Variants in SYNJ1 observed in about 807,000 individuals in gnomAD.
The protein encoded by SYNJ1 is synaptojanin 1, also known as polyphosphatidylinositol phosphatase SYNJ1.
Under a neutral mutation model 168.2 loss-of-function variants are expected in SYNJ1, and 78 were observed. The ratio of observed to expected loss-of-function variants is 0.46; its 90% CI spans 0.39 to 0.56. SYNJ1 has a LOEUF of 0.56. SYNJ1 is among the 20% of genes least tolerant of loss of function. The pLI is 0.00. For missense variants in SYNJ1, 1,303 were observed against 1,597.6 expected (o/e 0.82, Z 3.14); for synonymous variants, 539 against 548.6 (o/e 0.98, Z 0.24).
At chr21:32,654,447 G>A (rs1287331720) in intron 21 of SYNJ1, among the ~76,000 whole-genome samples, 1 of 152,098 alleles carries the variant, frequency 6.6e-6, no homozygotes, top group Non-Finnish European at 1.5e-5. Flanking sequence ...CTAACTACAC[G>A]AAGGTATCTT....
Position 32,629,315 on chromosome 21 carries a change from C to T in SYNJ1, c.*2490G>A, listed in dbSNP as rs533273538. ...TTTGAAGCAACTGCTTATAGTAATA[C>T]TGCTGTTTAAGACGCTACTGCTGAA... is the stretch of plus-strand genomic sequence containing the variant. On this transcript the variant is annotated 3_prime_UTR_variant, in exon 33 of 33. Coordinates refer to ENST00000674351, the MANE Select transcript of SYNJ1 (RefSeq NM_203446.3). 9.8e-5 allele frequency: 15 copies of T among 152,728 alleles called. No individual in the cohort carries two copies. Among genetic ancestry groups the T allele is most frequent in the African/African-American group, 3.6e-4 (15 of 41,554 alleles). 9.5% of individuals were successfully genotyped at this position (152,728 alleles called of 1,614,324 possible). A position where few individuals can be genotyped will look rare whatever the true frequency, so the allele number is the denominator to read the frequency against.
intron 29 of SYNJ1, among the ~76,000 whole-genome samples, chr21:32,641,604 G>C (rs895348086): frequency 6.6e-6 from 1 of 151,986 alleles, no homozygotes; most frequent in Non-Finnish European, 1.5e-5. Context: ...ATGATAAAAA[G>C]CTGCCCAAAT....
intron 2 of SYNJ1, among the ~76,000 whole-genome samples, chr21:32,707,589 C>T (rs550423993): frequency 6.3e-4 from 96 of 152,198 alleles, no homozygotes; most frequent in African/African-American, 2.3e-3. Flanking sequence ...CTGCCTTGGC[C>T]TCGCAAAGTA....
At chr21:32,715,134 C>T (rs2042975159) in intron 2 of SYNJ1, among the ~76,000 whole-genome samples, 2 of 152,100 alleles carry the variant, frequency 1.3e-5, no homozygotes, top group African/African-American at 4.8e-5. Flanking sequence ...AAGGTACAAC[C>T]AGCTAGAAAT....
intron 31 of SYNJ1, among the ~76,000 whole-genome samples, chr21:32,635,491 C>A (rs972590477): frequency 2.6e-5 from 4 of 152,114 alleles, no homozygotes; most frequent in Admixed American, 1.3e-4. Flanking sequence ...CATGCTGGCA[C>A]CCTGATCTCA....
intron 2 of SYNJ1, among the ~76,000 whole-genome samples, chr21:32,720,579 G>A (rs2043185351): frequency 6.6e-6 from 1 of 152,130 alleles, no homozygotes; most frequent in Non-Finnish European, 1.5e-5. Flanking sequence ...CAGTGATATG[G>A]CCTTGCTATT....
At chr21:32,681,347 T>C (rs2041614677) in intron 11 of SYNJ1, 149 bp downstream of exon 11, 6 of 861,796 alleles carry the variant, frequency 7.0e-6, no homozygotes, top group Admixed American at 6.1e-5. Flanking sequence ...AAAGGAAGTA[T>C]CAAAGAAGGC....
At chr21:32,681,405 C>T in intron 11 of SYNJ1, 91 bp downstream of exon 11, 2 of 1,386,496 alleles carry the variant, frequency 1.4e-6, no homozygotes, top group South Asian at 3.2e-5. Flanking sequence ...TTAATTTAAA[C>T]CATCTATTAA....
intron 9 of SYNJ1, among the ~76,000 whole-genome samples, chr21:32,684,830 A>G (rs1175031121): frequency 2.0e-5 from 3 of 152,216 alleles, no homozygotes; most frequent in Non-Finnish European, 4.4e-5. Flanking sequence ...CTTGCAGCAG[A>G]TGGAAATGGG....
chr21:32,676,872 G>A lies in SYNJ1; in HGVS notation c.1511-517C>T, dbSNP rs895040518. On this transcript the variant is annotated intron_variant, in intron 12 of 32. Transcript: ENST00000674351. Reference sequence around the variant, plus strand: ...AAATTCCCACAGCCACAGGGCTTATGGGAAAAATGGGGTTGGGGTACCACG... The same window carrying A: ...AAATTCCCACAGCCACAGGGCTTATAGGAAAAATGGGGTTGGGGTACCACG... Among the ~76,000 whole-genome samples, 3 of 152,198 alleles carry A rather than the reference G, an allele frequency of 2.0e-5. No homozygotes were observed. The East Asian group carries it at 5.8e-4, about 29-fold the overall frequency.
At chr21:32,713,254 A>AACATGGATGATTTCCCATATG (rs2042895610) in intron 2 of SYNJ1, among the ~76,000 whole-genome samples, 1 of 133,976 alleles carries the variant, frequency 7.5e-6, no homozygotes, top group Admixed American at 7.3e-5. Flanking sequence ...TTTCCCATAT[A>AACATGGATGATTTCCCATATG]TCAACATGGA....
At position 32,665,012 on chromosome 21, in the gene SYNJ1, G is replaced by A. The variant is rs149236383; in HGVS notation, c.2205C>T (p.Ile735=). ...VFWCGDFNYR[I]DLPNEEVKEL... is the part of the protein sequence containing the mutation. ...CTTTAACTTCTTCGTTAGGGAGATC[G>A]ATTCGATAGTTGAAATCACCACACC... The change falls in exon 18 of 33, where the codon ATC becomes ATT. Residue 735 remains isoleucine (I), a synonymous_variant. Coordinates refer to ENST00000674351, the MANE Select transcript of SYNJ1 (RefSeq NM_203446.3). The A allele has an allele frequency of 5.0e-5, 80 of 1,613,348 alleles. No individual in the cohort carries two copies. The highest frequency in any genetic ancestry group is 2.4e-4 in the African/African-American group (18 of 75,038).
chr21:32,693,037 A>T (rs929221085), intron 6 of SYNJ1, among the ~76,000 whole-genome samples: 15 of 151,850 alleles, frequency 9.9e-5, no homozygotes, highest in Admixed American at 9.2e-4. Context: ...TCTCAAATAA[A>T]TAAATATATA....
At chr21:32,660,283 C>T (rs562870630) in intron 18 of SYNJ1, among the ~76,000 whole-genome samples, 6 of 152,324 alleles carry the variant, frequency 3.9e-5, no homozygotes, top group Admixed American at 3.9e-4. Flanking sequence ...TGGGCAAAAC[C>T]TGAATATAAA....
chr21:32,639,689 T>A lies in SYNJ1; in HGVS notation c.3679A>T (p.Thr1227Ser), dbSNP rs1437274850. Residue 1227 changes from threonine to serine, a missense_variant, in exon 30 of 33, where the codon ACA (threonine) becomes TCA (serine). Transcript: ENST00000674351. ...GACCTACCTTTCGACGTTTCTGATG[T>A]TTTGCTTTGGCTTTCAGGAGTCAGT... The part of the protein sequence containing the change: ...GRLTPESQSK[T>S]SETSKGSTFL... 1 of 1,613,996 alleles carries A rather than the reference T, an allele frequency of 6.2e-7. No individual in the cohort carries two copies. Among genetic ancestry groups the A allele is most frequent in the African/African-American group, 1.3e-5 (1 of 74,914 alleles).
At chr21:32,709,642 C>T (rs1050957570) in intron 2 of SYNJ1, among the ~76,000 whole-genome samples, 3 of 151,156 alleles carry the variant, frequency 2.0e-5, no homozygotes, top group African/African-American at 4.9e-5. Context: ...CTCAGCCTCT[C>T]GAGTAGCTGG....
chr21:32,678,897 G>A, intron 11 of SYNJ1, 96 bp from the exon 12 acceptor site: 1 of 1,501,242 alleles, frequency 6.7e-7, no homozygotes, highest in Non-Finnish European at 8.9e-7. Context: ...AGTTTTATAT[G>A]ATTTTAGTAT....
chr21:32,657,684 G>C, intron 19 of SYNJ1, 32 bp downstream of exon 19: 1 of 1,561,022 alleles, frequency 6.4e-7, no homozygotes, highest in Non-Finnish European at 8.6e-7. Flanking sequence ...GTTTACATTA[G>C]TTCATTTAAA....
chr21:32,646,256 C>G, intron 24 of SYNJ1, 137 bp downstream of exon 24: 1 of 826,744 alleles, frequency 1.2e-6, no homozygotes, highest in Non-Finnish European at 2.0e-6. Flanking sequence ...AGCTTATCAT[C>G]TACAAGTTTT....
Sources: allele counts gnomAD v4.1 joint callset (sites outside exome capture counted in the v4.1 genomes callset), GRCh38; gene constraint gnomAD v4.1.1; transcripts MANE v1.5; gene names NCBI Gene and HGNC (gene_info 2026-07-23, HGNC 2026-07-21).